Variants in SPAG9 observed in about 807,000 individuals in gnomAD.
SPAG9 encodes sperm associated antigen 9.
Under a neutral mutation model 166.5 loss-of-function variants are expected in SPAG9, and 35 were observed. The observed-to-expected ratio is 0.21, with a 90% CI of 0.16 to 0.28. SPAG9 has a LOEUF of 0.28. SPAG9 is among the 10% of genes least tolerant of loss of function. SPAG9 has a pLI of 1.00. For missense variants in SPAG9, 1,235 were observed against 1,603.3 expected (o/e 0.77, Z 3.92); for synonymous variants, 534 against 565.5 (o/e 0.94, Z 0.79).
chr17:51,034,696 T>C (rs2046518605), intron 5 of SPAG9, among the ~76,000 whole-genome samples: 2 of 151,982 alleles, frequency 1.3e-5, no homozygotes, highest in African/African-American at 4.8e-5. Context: ...AAATAGAAAA[T>C]AACTATTAGC....
intron 5 of SPAG9, among the ~76,000 whole-genome samples, chr17:51,032,456 C>T (rs1334643870): frequency 6.6e-6 from 1 of 152,096 alleles, no homozygotes; most frequent in Non-Finnish European, 1.5e-5. Context: ...GAGCCATGTG[C>T]CCAGTCCCAA....
At chr17:51,076,120 A>C (rs2047962160) in intron 2 of SPAG9, among the ~76,000 whole-genome samples, 1 of 151,786 alleles carries the variant, frequency 6.6e-6, no homozygotes, top group South Asian at 2.1e-4. Context: ...AAAAAAGAAA[A>C]AGAAAAAAAA....
Position 50,966,201 on chromosome 17 carries a change from A to G in SPAG9, c.*71T>C. On this transcript the variant is annotated 3_prime_UTR_variant, in exon 30 of 30. Transcript: ENST00000262013. ...AACTTATCTCACAAAAGAGCATTAA[A>G]TAAAAGGATAGAGGGAAAATAAACC... 2 of 934,294 alleles carry G rather than the reference A, an allele frequency of 2.1e-6. No homozygotes were observed. The highest frequency in any genetic ancestry group is 1.8e-5 in the Admixed American group (1 of 57,000). 57.9% of individuals were successfully genotyped at this position (934,294 alleles called of 1,614,324 possible). A position where few individuals can be genotyped will look rare whatever the true frequency, so the allele number is the denominator to read the frequency against.
chr17:51,020,224 T>C lies in SPAG9; in HGVS notation c.1026A>G (p.Gln342=), dbSNP rs2045887176. 2.5e-6 allele frequency: 4 copies of C among 1,613,686 alleles called. No homozygotes were observed. Among genetic ancestry groups the C allele is most frequent in the East Asian group, 2.2e-5 (1 of 44,856 alleles). Residue 342 remains glutamine (Q), a synonymous_variant, in exon 8 of 30, where the codon CAA becomes CAG. Transcript: ENST00000262013. The stretch of plus-strand genomic sequence containing the variant: ...GCTCAGGAGTAGATTCGATGATTGC[T>C]TGAACTTCTGACTTTTCTTCATTTT... The part of the protein sequence containing the change: ...SAENEEKSEV[Q]AIIESTPELD...
intron 21 of SPAG9, among the ~76,000 whole-genome samples, chr17:50,989,038 G>A (rs760231260): frequency 7.3e-5 from 11 of 149,956 alleles, no homozygotes; most frequent in Non-Finnish European, 1.5e-4. Context: ...AAGACAGTAA[G>A]TACAAAAAAA....
intron 1 of SPAG9, among the ~76,000 whole-genome samples, chr17:51,090,726 T>C (rs1333335485): frequency 6.6e-6 from 1 of 152,118 alleles, no homozygotes; most frequent in Admixed American, 6.6e-5. Context: ...GTCACCTAAT[T>C]GAGGTTAAGG....
intron 1 of SPAG9, among the ~76,000 whole-genome samples, chr17:51,115,779 G>A (rs564876680): frequency 1.3e-5 from 2 of 151,876 alleles, no homozygotes; most frequent in South Asian, 2.1e-4. Context: ...GCAGTGAGCC[G>A]AGATGGCACC....
chr17:51,076,982 T>TTATCTAGCTATCTAGC lies in SPAG9; in HGVS notation c.424+2586_424+2601dup, dbSNP rs1322983578. Among the ~76,000 whole-genome samples, 61 of 99,496 alleles carry TTATCTAGCTATCTAGC rather than the reference T, an allele frequency of 6.1e-4. 4 individuals are homozygous for TTATCTAGCTATCTAGC. The highest frequency in any genetic ancestry group is 1.0e-3 in the Non-Finnish European group (48 of 45,862). 65.3% of individuals were successfully genotyped at this position (99,496 alleles called of 152,430 possible). A position where few individuals can be genotyped will look rare whatever the true frequency, so the allele number is the denominator to read the frequency against. On this transcript the variant is annotated intron_variant, in intron 2 of 29. Transcript: ENST00000262013. ...GAGATCTTGTCTCTATCTATCTATC[T>TTATCTAGCTATCTAGC]TATCTAGCTATCTAGCTATCTAGCT...
chr17:50,980,489 G>A (rs1053776588), intron 25 of SPAG9, among the ~76,000 whole-genome samples: 9 of 151,740 alleles, frequency 5.9e-5, no homozygotes, highest in Non-Finnish European at 1.0e-4. Context: ...ACAAGCATGA[G>A]CCACCGCACC....
In SPAG9 at chr17:51,005,215, A is replaced by T; in HGVS notation, c.1473T>A (p.Asp491Glu). Residue 491 changes from aspartate (D) to glutamate (E), a missense_variant, in exon 12 of 30, where the codon GAT becomes GAA. Asp to Glu is a conservative substitution (Grantham distance 45). Around this residue, in one of 6 missense-constraint regions of SPAG9, gnomAD observed 125 missense variants for 194.0 expected, o/e 0.64. Transcript: ENST00000262013. ...EDARQKAKDDDDSDIPTAQRK... is the reference protein window; with the variant it reads ...EDARQKAKDDEDSDIPTAQRK... ...AAGTCCAAAATTGTAAACCTACATC[A>T]TCGTCATCTTTTGCTTTTTGCCTTG... 6.2e-7 allele frequency: 1 copy of T among 1,613,978 alleles called. No homozygotes were observed. The highest frequency in any genetic ancestry group is 8.5e-7 in the Non-Finnish European group (1 of 1,179,890).
chr17:51,025,885 A>G (rs967802261), intron 6 of SPAG9, among the ~76,000 whole-genome samples: 6 of 152,190 alleles, frequency 3.9e-5, no homozygotes, highest in African/African-American at 1.4e-4. Context: ...TCATTCTTTA[A>G]AAGTTTCAAA....
At chr17:51,007,975 A>C (rs1289578273) in intron 9 of SPAG9, 1 of 311,158 alleles carries the variant, frequency 3.2e-6, no homozygotes, top group African/African-American at 2.2e-5. Flanking sequence ...AACATCTGGA[A>C]TCACAATGTT....
intron 13 of SPAG9, among the ~76,000 whole-genome samples, chr17:51,000,599 G>A (rs1216624311): frequency 6.6e-6 from 1 of 151,974 alleles, no homozygotes; most frequent in African/African-American, 2.4e-5. Context: ...GCTGGGCATG[G>A]TAGCGCACAC....
chr17:51,094,803 C>T (rs2144704647), intron 1 of SPAG9, among the ~76,000 whole-genome samples: 1 of 152,286 alleles, frequency 6.6e-6, no homozygotes, highest in Non-Finnish European at 1.5e-5. Context: ...AAGTAATGAT[C>T]CTTTTCACCT....
chr17:51,083,810 C>T (rs1568072014), intron 1 of SPAG9, among the ~76,000 whole-genome samples: 1 of 151,958 alleles, frequency 6.6e-6, no homozygotes, highest in Non-Finnish European at 1.5e-5. Flanking sequence ...GAAATTTGAT[C>T]CATCTATGAA....
At chr17:51,024,071 G>A (rs973011926) in intron 6 of SPAG9, among the ~76,000 whole-genome samples, 1 of 152,194 alleles carries the variant, frequency 6.6e-6, no homozygotes. Context: ...CCAGGCAGGC[G>A]GATCACCTGA....
chr17:51,077,338 T>A (rs1035888241), intron 2 of SPAG9, among the ~76,000 whole-genome samples: 4 of 152,056 alleles, frequency 2.6e-5, no homozygotes, highest in Admixed American at 1.3e-4. Context: ...GTCAGGCTGG[T>A]CTCAAACTCC....
At chr17:51,011,351 T>C (rs1021887650) in intron 9 of SPAG9, among the ~76,000 whole-genome samples, 9 of 151,416 alleles carry the variant, frequency 5.9e-5, no homozygotes, top group African/African-American at 2.2e-4. Flanking sequence ...TTCAAATTTG[T>C]TATCACTGAA....
chr17:51,053,688 C>CA lies in SPAG9; in HGVS notation c.495+2723dup, dbSNP rs550367364. Among the ~76,000 whole-genome samples, 1,284 of 138,662 alleles carry CA rather than the reference C, an allele frequency of 9.3e-3. 14 individuals are homozygous for CA. Among genetic ancestry groups the CA allele is most frequent in the Non-Finnish European group, 0.015 (940 of 63,338 alleles). The allele number at this position is 138,662 out of a possible 152,430, so 91.0% of individuals were successfully genotyped here. On this transcript the variant is annotated intron_variant, in intron 3 of 29. Transcript: ENST00000262013. ...TGACAGAACGAGACTCCATCACACA[C>CA]AAAAAAAAAAATTGGCATGCACGTG...
Sources: allele counts gnomAD v4.1 joint callset (sites outside exome capture counted in the v4.1 genomes callset), GRCh38; gene constraint gnomAD v4.1.1; regional missense constraint gnomAD v4.1.1; transcripts MANE v1.5; gene names NCBI Gene and HGNC (gene_info 2026-07-23, HGNC 2026-07-21).